Variants in TOPBP1 observed in about 807,000 individuals in gnomAD.
TOPBP1 encodes DNA topoisomerase II binding protein 1.
Under a neutral mutation model 167.7 loss-of-function variants are expected in TOPBP1, and 28 were observed. The observed-to-expected ratio is 0.17, with a 90% CI of 0.12 to 0.23. TOPBP1 has a LOEUF of 0.23. Ranked by LOEUF, TOPBP1 falls within the 10% of genes least tolerant of loss-of-function variation. The probability of loss-of-function intolerance (pLI) is 1.00; values close to 1 mark genes in which losing one functional copy is unlikely to be tolerated. For synonymous variants in TOPBP1, 598 were observed against 611.4 expected, an observed-to-expected ratio of 0.98 and a Z score of 0.32; for missense variants, 1,554 against 1,809.6, an observed-to-expected ratio of 0.86 and a Z score of 2.56.
At chr3:133,636,448 TAAGATTATAAGATGAAG>T (rs1183534524) in intron 14 of TOPBP1, among the ~76,000 whole-genome samples, 9 of 152,058 alleles carry the variant, frequency 5.9e-5, no homozygotes, top group African/African-American at 2.2e-4. Context: ...ATAATGCTTA[TAAGATTATAAGATGAAG>T]CATTATTTAT....
Position 133,652,467 on chromosome 3 carries a change from C to A in TOPBP1, c.1085G>T (p.Cys362Phe). 1 of 1,611,490 alleles carries A rather than the reference C, an allele frequency of 6.2e-7. No homozygotes were observed. ...TATTATATAATAAAGACGTACCCGACAACCATCTAATAAATCTTCAGGTGC... is the reference window on the plus strand; with the variant it reads ...TATTATATAATAAAGACGTACCCGAAAACCATCTAATAAATCTTCAGGTGC... The part of the protein sequence containing the change: ...FQAPEDLLDG[C>F]RIYLCGFSGR... The change falls in exon 8 of 28, where the codon TGT becomes TTT. Residue 362 changes from cysteine to phenylalanine, a missense_variant. By Grantham distance (205) the Cys-to-Phe change is radical. Around this residue, in one of 3 missense-constraint regions of TOPBP1, gnomAD observed 1,197 missense variants for 1,351.5 expected, o/e 0.89. Coordinates refer to ENST00000260810, the MANE Select transcript of TOPBP1 (RefSeq NM_007027.4).
At chr3:133,634,941 T>C (rs576466950) in intron 14 of TOPBP1, among the ~76,000 whole-genome samples, 3 of 152,242 alleles carry the variant, frequency 2.0e-5, no homozygotes, top group East Asian at 1.9e-4. Flanking sequence ...TGAAAAAATA[T>C]ATTTTCCCTC....
intron 20 of TOPBP1, among the ~76,000 whole-genome samples, chr3:133,618,730 A>C (rs1294701928): frequency 6.6e-6 from 1 of 152,218 alleles, no homozygotes; most frequent in African/African-American, 2.4e-5. Flanking sequence ...TTTTAAAAAT[A>C]CTAAAGTAAT....
intron 14 of TOPBP1, among the ~76,000 whole-genome samples, chr3:133,636,266 A>G (rs1195677794): frequency 1.3e-5 from 2 of 152,148 alleles, no homozygotes; most frequent in South Asian, 2.1e-4. Context: ...TTAAGTTTAA[A>G]TAAGTGGTGA....
At chr3:133,653,937 A>G (rs1369242451) in intron 6 of TOPBP1, among the ~76,000 whole-genome samples, 1 of 152,118 alleles carries the variant, frequency 6.6e-6, no homozygotes, top group African/African-American at 2.4e-5. Context: ...CGGCTATAAC[A>G]GGTTATTTCA....
intron 10 of TOPBP1, 128 bp from the exon 11 acceptor site, chr3:133,644,491 T>C: frequency 1.1e-6 from 1 of 891,508 alleles, no homozygotes; most frequent in South Asian, 1.9e-5. Context: ...AGCTTACGTG[T>C]ATAATAAAGG....
chr3:133,627,199 T>G (rs1356716768), intron 16 of TOPBP1, among the ~76,000 whole-genome samples: 1 of 152,228 alleles, frequency 6.6e-6, no homozygotes, highest in Non-Finnish European at 1.5e-5. Flanking sequence ...TAAATTCTAT[T>G]TTTTATACTG....
At chr3:133,656,594 G>A (rs1936484972) in intron 5 of TOPBP1, 82 bp downstream of exon 5, 11 of 1,355,810 alleles carry the variant, frequency 8.1e-6, no homozygotes, top group Non-Finnish European at 9.9e-6. Context: ...TGAATAGTAA[G>A]TCCAAAGAGT....
chr3:133,630,753 A>G lies in TOPBP1; in HGVS notation c.2521-2020T>C, dbSNP rs186091618. On this transcript the variant is annotated intron_variant, in intron 14 of 27. Transcript: ENST00000260810. ...GGTATGTGCCATCACACCCAGTTAG[A>G]GAATTTTTAATGCTGTCAAATTCAT... Among the ~76,000 whole-genome samples, 4 of 152,306 alleles carry G rather than the reference A, an allele frequency of 2.6e-5. No homozygotes were observed. The East Asian group carries it at 7.7e-4, about 29-fold the overall frequency.
chr3:133,617,460 A>T (rs2107779138), intron 21 of TOPBP1, 134 bp from the exon 22 acceptor site: 1 of 958,768 alleles, frequency 1.0e-6, no homozygotes, highest in African/African-American at 1.7e-5. Context: ...ACAGGCAAAA[A>T]AGTATCCTAT....
intron 27 of TOPBP1, among the ~76,000 whole-genome samples, chr3:133,602,277 A>G (rs1249181401): frequency 2.0e-5 from 3 of 152,234 alleles, no homozygotes; most frequent in Admixed American, 2.0e-4. Context: ...AAACCTGTCA[A>G]TCTATAATTC....
At chr3:133,604,995 G>C (rs1338614433) in intron 27 of TOPBP1, among the ~76,000 whole-genome samples, 1 of 151,614 alleles carries the variant, frequency 6.6e-6, no homozygotes, top group South Asian at 2.1e-4. Flanking sequence ...GGGAAGCCGT[G>C]GGGATCACTT....
chr3:133,604,747 C>T (rs1311023208), intron 27 of TOPBP1, among the ~76,000 whole-genome samples: 1 of 151,636 alleles, frequency 6.6e-6, no homozygotes, highest in Admixed American at 6.6e-5. Context: ...GTTAAAACCC[C>T]GTTTCTACTA....
At chr3:133,648,658 G>A (rs1936168415) in intron 10 of TOPBP1, among the ~76,000 whole-genome samples, 1 of 152,140 alleles carries the variant, frequency 6.6e-6, no homozygotes, top group Non-Finnish European at 1.5e-5. Context: ...TTAGCCAGGG[G>A]TGGTGGCGCA....
Position 133,656,794 on chromosome 3 carries a change from C to T in TOPBP1, c.427G>A (p.Val143Ile). The T allele has an allele frequency of 6.2e-7, 1 of 1,613,022 alleles. No homozygotes were observed. The highest frequency in any genetic ancestry group is 8.5e-7 in the Non-Finnish European group (1 of 1,179,584). The change falls in exon 5 of 28, where the codon GTA (valine) becomes ATA (isoleucine). Residue 143 changes from valine (V) to isoleucine (I), a missense_variant. Val to Ile is a conservative substitution (Grantham distance 29). Around this residue, in one of 3 missense-constraint regions of TOPBP1, gnomAD observed 1,197 missense variants for 1,351.5 expected, o/e 0.89. Coordinates refer to ENST00000260810, the MANE Select transcript of TOPBP1 (RefSeq NM_007027.4). ...GRVYRDLNVS[V>I]THLIAGEVGS... Reference sequence around the variant, plus strand: ...ACTTCTCCTGCAATAAGGTGAGTTACTGATACATTAAGGTCTCTGTATACT... The same window carrying T: ...ACTTCTCCTGCAATAAGGTGAGTTATTGATACATTAAGGTCTCTGTATACT...
intron 23 of TOPBP1, among the ~76,000 whole-genome samples, chr3:133,612,912 G>C (rs1221827952): frequency 6.6e-6 from 1 of 151,982 alleles, no homozygotes; most frequent in African/African-American, 2.4e-5. Context: ...CTGTCACCCA[G>C]ACTGGAGTGC....
In TOPBP1 at chr3:133,611,102, C is replaced by G; in HGVS notation, c.4075G>C (p.Val1359Leu). The G allele has an allele frequency of 6.2e-7, 1 of 1,613,028 alleles. No homozygotes were observed. Among genetic ancestry groups the G allele is most frequent in the Non-Finnish European group, 8.5e-7 (1 of 1,179,402 alleles). ...TGCTGTACATTGATTCCAGTCAGAA[C>G]ATCAAGTATGGAACTACTTCCCCAT... ...YEWGSSSILD[V>L]LTGINVQQRR... The change falls in exon 25 of 28, where the codon GTT becomes CTT. Residue 1359 changes from valine (V) to leucine (L), a missense_variant. Coordinates refer to ENST00000260810, the MANE Select transcript of TOPBP1 (RefSeq NM_007027.4).
chr3:133,605,836 T>C lies in TOPBP1; in HGVS notation c.4425+2699A>G, dbSNP rs182089178. Among the ~76,000 whole-genome samples, 277 of 152,332 alleles carry C rather than the reference T, an allele frequency of 1.8e-3. 3 individuals carry two copies. The highest frequency in any genetic ancestry group is 6.8e-3 in the Middle Eastern group (2 of 294). ...ACAAATCTCTTTGCAGATAAAATGATTGCTTATGTAGGAAAGCCTAAGGTA... is the reference window on the plus strand; with the variant it reads ...ACAAATCTCTTTGCAGATAAAATGACTGCTTATGTAGGAAAGCCTAAGGTA... On this transcript the variant is annotated intron_variant, in intron 27 of 27. Transcript: ENST00000260810.
intron 10 of TOPBP1, among the ~76,000 whole-genome samples, chr3:133,646,384 CT>C (rs1400308162): frequency 1.3e-5 from 2 of 152,100 alleles, no homozygotes; most frequent in East Asian, 3.9e-4. Flanking sequence ...GGTGCAGTGG[CT>C]CAAGCCTGTA....
Sources: gnomAD v4.1 joint callset for allele counts (sites outside exome capture counted in the v4.1 genomes callset) on GRCh38, gnomAD v4.1.1 for gene constraint, gnomAD v4.1.1 regional missense constraint, MANE v1.5 for transcripts, NCBI Gene and HGNC (gene_info 2026-07-23, HGNC 2026-07-21) for gene names.